The following CSMD3 variants were observed in gnomAD, a reference collection of about 807,000 sequenced individuals.
CSMD3 encodes the protein CUB and sushi domain-containing protein 3.
Under a neutral mutation model 435.2 loss-of-function variants are expected in CSMD3, and 177 were observed. The ratio of observed to expected loss-of-function variants is 0.41; its 90% CI spans 0.36 to 0.46. The LOEUF is 0.46. Among genes scored for constraint, CSMD3 ranks in the 20% least tolerant of loss-of-function variants. CSMD3 has a pLI of 0.34. For synonymous variants in CSMD3, 1,656 were observed against 1,520.5 expected (o/e 1.09, Z -2.07); for missense variants, 4,265 against 4,504.6 (o/e 0.95, Z 1.52).
At chr8:112,846,743 A>G (rs1428686589) in intron 11 of CSMD3, among the ~76,000 whole-genome samples, 1 of 151,836 alleles carries the variant, frequency 6.6e-6, no homozygotes, top group Non-Finnish European at 1.5e-5. Context: ...ATTTATATTT[A>G]TTGATATTTA....
At chr8:112,857,020 A>C (rs939316772) in intron 11 of CSMD3, among the ~76,000 whole-genome samples, 4 of 151,754 alleles carry the variant, frequency 2.6e-5, no homozygotes, top group Admixed American at 2.6e-4. Flanking sequence ...AACAGATTAC[A>C]TTCGACTAGA....
chr8:112,350,925 C>A (rs545983602), intron 40 of CSMD3, among the ~76,000 whole-genome samples: 78 of 151,874 alleles, frequency 5.1e-4, no homozygotes, highest in Middle Eastern at 3.4e-3. Flanking sequence ...ATTTCTACAG[C>A]TTAAGTCATC....
At chr8:112,291,721 A>T in intron 55 of CSMD3, 26 bp from the exon 56 acceptor site, 2 of 1,502,766 alleles carry the variant, frequency 1.3e-6, no homozygotes, top group Non-Finnish European at 1.9e-6. Context: ...ATTTTGAAAC[A>T]TATGTTTGGA....
chr8:113,319,220 T>C lies in CSMD3; in HGVS notation c.179-4427A>G, dbSNP rs115489799. 5.1e-3 allele frequency among the ~76,000 whole-genome samples: 778 copies of C among 152,144 alleles called. 10 individuals are homozygous for C. Among genetic ancestry groups the C allele is most frequent in the African/African-American group, 0.018 (751 of 41,548 alleles). On this transcript the variant is annotated intron_variant, in intron 1 of 70. Coordinates refer to ENST00000297405, the MANE Select transcript of CSMD3 (RefSeq NM_198123.2). Reference sequence around the variant, plus strand: ...CTTTTCTCCACATCCCTGACAACAATTGTTATCTCGTCTTTTTGATAATAA... The same window carrying C: ...CTTTTCTCCACATCCCTGACAACAACTGTTATCTCGTCTTTTTGATAATAA...
At chr8:112,260,749 A>G (rs1019251235) in intron 61 of CSMD3, among the ~76,000 whole-genome samples, 1 of 152,132 alleles carries the variant, frequency 6.6e-6, no homozygotes, top group African/African-American at 2.4e-5. Context: ...AGGGCGAATT[A>G]CGTGACAAAA....
At chr8:112,244,766 A>G (rs1814540366) in intron 64 of CSMD3, among the ~76,000 whole-genome samples, 193 bp from the exon 65 acceptor site, 1 of 152,080 alleles carries the variant, frequency 6.6e-6, no homozygotes, top group Non-Finnish European at 1.5e-5. Flanking sequence ...GCATTTCCTA[A>G]TCCACCATTT....
chr8:112,595,112 T>C (rs1831568883), intron 22 of CSMD3, among the ~76,000 whole-genome samples: 1 of 148,064 alleles, frequency 6.8e-6, no homozygotes, highest in Non-Finnish European at 1.5e-5. Context: ...AGTTGAAAAC[T>C]TTGAAAAAAA....
intron 6 of CSMD3, among the ~76,000 whole-genome samples, chr8:112,989,043 T>C (rs1205749199): frequency 1.3e-5 from 2 of 152,020 alleles, no homozygotes. Flanking sequence ...AACAAGAATT[T>C]GTCGAGTGCT....
chr8:113,213,255 C>T (rs1417252788), intron 3 of CSMD3, among the ~76,000 whole-genome samples: 1 of 152,060 alleles, frequency 6.6e-6, no homozygotes, highest in Non-Finnish European at 1.5e-5. Flanking sequence ...TCAAGTAATT[C>T]ATCCCATGAA....
At chr8:112,988,864 C>G (rs1489561717) in intron 6 of CSMD3, among the ~76,000 whole-genome samples, 1 of 151,980 alleles carries the variant, frequency 6.6e-6, no homozygotes, top group Non-Finnish European at 1.5e-5. Flanking sequence ...AATGCATATT[C>G]CATGATAAGC....
rs994800048 is a variant in CSMD3 at position 112,311,263 on chromosome 8, G to A, written c.7697-97C>T. On this transcript the variant is annotated intron_variant, in intron 49 of 70. Transcript: ENST00000297405. ...ATACAGCGACTAGTGCTTAAAAGTA[G>A]GTCAGTGGTCATCTATGTAAATTTT... 3.1e-5 allele frequency: 28 copies of A among 909,706 alleles called. 1 individual carries two copies. The highest frequency in any genetic ancestry group is 2.2e-4 in the Admixed American group (11 of 51,140). The allele number at this position is 909,706 out of a possible 1,614,324, so 56.4% of individuals were successfully genotyped here.
chr8:112,809,641 C>T (rs1051133055), intron 12 of CSMD3, among the ~76,000 whole-genome samples: 1 of 152,076 alleles, frequency 6.6e-6, no homozygotes, highest in African/African-American at 2.4e-5. Context: ...TTCCCACAAT[C>T]ACTTATTTCC....
chr8:113,407,007 T>C (rs2094535746), intron 1 of CSMD3, among the ~76,000 whole-genome samples: 1 of 152,102 alleles, frequency 6.6e-6, no homozygotes, highest in African/African-American at 2.4e-5. Context: ...TTGTATACAG[T>C]AGGACACATG....
At chr8:112,627,262 G>A (rs1167568003) in intron 22 of CSMD3, among the ~76,000 whole-genome samples, 2 of 151,994 alleles carry the variant, frequency 1.3e-5, no homozygotes, top group Non-Finnish European at 2.9e-5. Flanking sequence ...TTTCCAATAT[G>A]TCTAGGTTAA....
At chr8:112,347,528 G>T (rs6990892) in intron 40 of CSMD3, among the ~76,000 whole-genome samples, 2,073 of 152,170 alleles carry the variant, frequency 0.014, 48 homozygotes, top group African/African-American at 0.047. Flanking sequence ...ACTATCTTTT[G>T]CTATGTGAAC....
At chr8:112,279,142 T>C (rs1818385502) in intron 59 of CSMD3, among the ~76,000 whole-genome samples, 1 of 152,166 alleles carries the variant, frequency 6.6e-6, no homozygotes, top group African/African-American at 2.4e-5. Flanking sequence ...TTTTCTAAAA[T>C]AGTTATTCAA....
chr8:112,348,384 A>G (rs1234471778), intron 40 of CSMD3, among the ~76,000 whole-genome samples: 1 of 152,150 alleles, frequency 6.6e-6, no homozygotes, highest in East Asian at 1.9e-4. Flanking sequence ...CCTTCTTTCC[A>G]TCAAAATATC....
intron 1 of CSMD3, among the ~76,000 whole-genome samples, chr8:113,369,790 C>T (rs1335259127): frequency 6.6e-6 from 1 of 151,648 alleles, no homozygotes; most frequent in South Asian, 2.1e-4. Context: ...TTATGTTAAG[C>T]GAAATAAGTC....
At chr8:112,623,215 G>T (rs374156227) in intron 22 of CSMD3, among the ~76,000 whole-genome samples, 1 of 152,044 alleles carries the variant, frequency 6.6e-6, no homozygotes, top group Non-Finnish European at 1.5e-5. Context: ...TCGAAAAAGA[G>T]CTGCAAAAAA....
Sources: allele counts gnomAD v4.1 joint callset (sites outside exome capture counted in the v4.1 genomes callset), GRCh38; gene constraint gnomAD v4.1.1; transcripts MANE v1.5; gene names NCBI Gene and HGNC (gene_info 2026-07-23, HGNC 2026-07-21).